Variants in USP6NL observed in about 807,000 individuals in gnomAD.
The protein encoded by USP6NL is USP6 N-terminal-like protein.
In USP6NL, 26 loss-of-function variants were observed where a neutral mutation model predicts 61.9. The observed-to-expected ratio is 0.42, with a 90% CI of 0.31 to 0.58. The LOEUF (loss-of-function observed/expected upper bound fraction) is 0.58, where lower values mean the gene tolerates loss of function less well. Ranked by LOEUF, USP6NL falls within the 20% of genes least tolerant of loss-of-function variation. The pLI, the probability that USP6NL is intolerant of heterozygous loss-of-function variation, is 0.16. For synonymous variants in USP6NL, 432 were observed against 390.1 expected (o/e 1.11, Z -1.27); for missense variants, 1,114 against 1,034.3 (o/e 1.08, Z -1.06).
At chr10:11,547,602 C>G (rs528470090) in intron 2 of USP6NL, among the ~76,000 whole-genome samples, 2 of 150,498 alleles carry the variant, frequency 1.3e-5, no homozygotes, top group East Asian at 1.9e-4. Context: ...TGCAGTGGCA[C>G]GATCTCAGCT....
intron 2 of USP6NL, among the ~76,000 whole-genome samples, chr10:11,544,752 G>A (rs1836211939): frequency 6.6e-6 from 1 of 152,002 alleles, no homozygotes; most frequent in Non-Finnish European, 1.5e-5. Context: ...GCCTCCCAAA[G>A]TGCTGGGATT....
In USP6NL at chr10:11,485,300, G is replaced by A. The variant is rs1052895068; in HGVS notation, c.760-66C>T. The A allele has an allele frequency of 1.5e-6, 2 of 1,311,980 alleles. No homozygotes were observed. The highest frequency in any genetic ancestry group is 2.6e-5 in the East Asian group (1 of 39,004). 81.3% of individuals were successfully genotyped at this position (1,311,980 alleles called of 1,614,324 possible). A position where few individuals can be genotyped will look rare whatever the true frequency, so the allele number is the denominator to read the frequency against. The stretch of plus-strand genomic sequence containing the variant: ...ACTAAATTTAACAAAATAATACTAA[G>A]TTAGGAAGGCTGTTGGATGCAGCTA... On this transcript the variant is annotated intron_variant, in intron 11 of 14. Coordinates refer to ENST00000609104, the MANE Select transcript of USP6NL (RefSeq NM_014688.5). This position sits in a 1 kb window ranked among gnomAD's most constrained non-coding sequence, Gnocchi z 4.8.
chr10:11,545,183 C>T (rs1483561622), intron 2 of USP6NL, among the ~76,000 whole-genome samples: 2 of 151,954 alleles, frequency 1.3e-5, no homozygotes, highest in Admixed American at 1.3e-4. Flanking sequence ...AGGAAAAGAC[C>T]ACTGCAACAC....
chr10:11,557,770 A>C (rs1836771414), intron 2 of USP6NL, among the ~76,000 whole-genome samples: 1 of 152,186 alleles, frequency 6.6e-6, no homozygotes, highest in Non-Finnish European at 1.5e-5. Flanking sequence ...ATGGCATACT[A>C]CACGGGCGGG....
chr10:11,467,088 A>G (rs973162949), intron 14 of USP6NL, among the ~76,000 whole-genome samples: 1 of 152,156 alleles, frequency 6.6e-6, no homozygotes, highest in African/African-American at 2.4e-5. Context: ...ATACCTCCCC[A>G]TGTGACGCCA....
At chr10:11,506,516 G>A (rs1210039498) in intron 6 of USP6NL, among the ~76,000 whole-genome samples, 2 of 151,950 alleles carry the variant, frequency 1.3e-5, no homozygotes, top group Non-Finnish European at 2.9e-5. Context: ...AGGCATGGTG[G>A]TGCTTGCCTA....
chr10:11,541,529 T>G (rs1836068910), intron 2 of USP6NL, among the ~76,000 whole-genome samples: 1 of 151,936 alleles, frequency 6.6e-6, no homozygotes, highest in Admixed American at 6.6e-5. Context: ...AAGAAGGCTT[T>G]GAATAAATAA....
Position 11,597,343 on chromosome 10 carries a change from C to T in USP6NL, c.4+288G>A, listed in dbSNP as rs1246717728. 6.6e-6 allele frequency among the ~76,000 whole-genome samples: 1 copy of T among 152,070 alleles called. No individual in the cohort carries two copies. Among genetic ancestry groups the T allele is most frequent in the Non-Finnish European group, 1.5e-5 (1 of 68,016 alleles). On this transcript the variant is annotated intron_variant, in intron 2 of 14. Transcript: ENST00000609104. The surrounding 1 kb of genome is among the most constrained non-coding windows in gnomAD (Gnocchi z 4.6). Reference sequence around the variant, plus strand: ...TTCCCTATTCATATTTCTGAAGAACCGTTTTCCAATGGCAAGTCAATAGAA... The same window carrying T: ...TTCCCTATTCATATTTCTGAAGAACTGTTTTCCAATGGCAAGTCAATAGAA...
At chr10:11,494,451 G>A (rs186742550) in intron 7 of USP6NL, among the ~76,000 whole-genome samples, 8 of 152,280 alleles carry the variant, frequency 5.3e-5, no homozygotes, top group Admixed American at 2.6e-4. Flanking sequence ...CAGCCCCATA[G>A]GGTCGGTGAG....
chr10:11,469,776 G>A (rs527672993), intron 14 of USP6NL, among the ~76,000 whole-genome samples: 1 of 152,226 alleles, frequency 6.6e-6, no homozygotes, highest in Non-Finnish European at 1.5e-5. Context: ...CAGGGCTGGG[G>A]TTTGCTTCAC....
intron 2 of USP6NL, among the ~76,000 whole-genome samples, chr10:11,556,158 G>T (rs1476460498): frequency 6.6e-6 from 1 of 152,108 alleles, no homozygotes; most frequent in Non-Finnish European, 1.5e-5. Flanking sequence ...CCTAAAGGCA[G>T]ACAGGGCATA....
At chr10:11,564,304 C>T (rs1351097573) in intron 2 of USP6NL, 2 of 152,188 alleles carry the variant, frequency 1.3e-5, no homozygotes, top group African/African-American at 4.8e-5. Context: ...TTTCAAGTAG[C>T]ATTCTCAATA....
At chr10:11,566,763 C>A (rs1392029479) in intron 2 of USP6NL, among the ~76,000 whole-genome samples, 1 of 152,182 alleles carries the variant, frequency 6.6e-6, no homozygotes, top group Non-Finnish European at 1.5e-5. Context: ...AGAGTTCAGA[C>A]CATATTCTTA....
Position 11,490,343 on chromosome 10 carries a change from T to G in USP6NL, c.543+489A>C, listed in dbSNP as rs911255840. Among the ~76,000 whole-genome samples, 1 of 152,218 alleles carries G rather than the reference T, an allele frequency of 6.6e-6. No individual in the cohort carries two copies. The highest frequency in any genetic ancestry group is 6.5e-5 in the Admixed American group (1 of 15,272). The stretch of plus-strand genomic sequence containing the variant: ...AATGCTGAATGCCTTAAGAAGAGCA[T>G]GTCTATTACCGAAGAGTTTAGCCTC... On this transcript the variant is annotated intron_variant, in intron 9 of 14. Coordinates refer to ENST00000609104, the MANE Select transcript of USP6NL (RefSeq NM_014688.5). This position sits in a 1 kb window ranked among gnomAD's most constrained non-coding sequence, Gnocchi z 4.5.
At position 11,561,039 on chromosome 10, in the gene USP6NL, A is replaced by G. The variant is rs1422858948; in HGVS notation, c.5-33472T>C. On this transcript the variant is annotated intron_variant, in intron 2 of 14. Transcript: ENST00000609104. The surrounding 1 kb of genome is among the most constrained non-coding windows in gnomAD (Gnocchi z 4.1). ...AAGCAGTTAATCTACATCTATTTCG[A>G]GCATACTCAAGCAGCCCTGAATATC... Among the ~76,000 whole-genome samples, 2 of 152,168 alleles carry G rather than the reference A, an allele frequency of 1.3e-5. No homozygotes were observed. Among genetic ancestry groups the G allele is most frequent in the Non-Finnish European group, 2.9e-5 (2 of 68,004 alleles).
At chr10:11,497,267 C>T (rs1355741066) in intron 7 of USP6NL, among the ~76,000 whole-genome samples, 1 of 151,090 alleles carries the variant, frequency 6.6e-6, no homozygotes, top group African/African-American at 2.4e-5. Flanking sequence ...AAAAAATAAC[C>T]GGGCATGGTG....
intron 14 of USP6NL, among the ~76,000 whole-genome samples, chr10:11,466,760 C>T (rs1401269026): frequency 2.0e-5 from 3 of 152,150 alleles, no homozygotes; most frequent in African/African-American, 7.2e-5. Flanking sequence ...CACCGAGGCT[C>T]TATGATACAG....
At chr10:11,544,703 G>C (rs1289909951) in intron 2 of USP6NL, among the ~76,000 whole-genome samples, 2 of 151,822 alleles carry the variant, frequency 1.3e-5, no homozygotes, top group Admixed American at 6.6e-5. Flanking sequence ...TGGGCAGGCT[G>C]GTCTCAAACT....
At chr10:11,560,714 TTATA>T (rs56221814) in intron 2 of USP6NL, among the ~76,000 whole-genome samples, 5,467 of 141,278 alleles carry the variant, frequency 0.039, 163 homozygotes, top group Non-Finnish European at 0.058. Context: ...TATATATATA[TTATA>T]TATATATATA....
Sources: gnomAD v4.1 joint callset for allele counts (sites outside exome capture counted in the v4.1 genomes callset) on GRCh38, gnomAD v4.1.1 for gene constraint, Gnocchi (gnomAD v3.1) non-coding constraint, MANE v1.5 for transcripts, NCBI Gene and HGNC (gene_info 2026-07-23, HGNC 2026-07-21) for gene names.